Variants in NRIP1 observed in about 807,000 individuals in gnomAD.
NRIP1 encodes nuclear receptor-interacting protein 1.
Under a neutral mutation model 75.0 loss-of-function variants are expected in NRIP1, and 28 were observed. That is an observed-to-expected ratio of 0.37 (90% CI 0.28 to 0.51). The LOEUF is 0.51. Ranked by LOEUF, NRIP1 falls within the 20% of genes least tolerant of loss-of-function variation. The probability of loss-of-function intolerance (pLI) is 0.92; values close to 1 mark genes in which losing one functional copy is unlikely to be tolerated. For synonymous variants in NRIP1, 526 were observed against 487.6 expected, an observed-to-expected ratio of 1.08 and a Z score of -1.04; for missense variants, 1,435 against 1,343.7, an observed-to-expected ratio of 1.07 and a Z score of -1.06.
At chr21:15,002,425 G>C (rs1358290541) in intron 3 of NRIP1, 2 of 152,164 alleles carry the variant, frequency 1.3e-5, no homozygotes, top group African/African-American at 2.4e-5. Flanking sequence ...CCAAGCTTGA[G>C]TCAGGGTTTG....
rs1015396624 is a variant in NRIP1, at chr21:14,965,330, T to C, written c.2863A>G (p.Asn955Asp). The C allele has an allele frequency of 1.9e-6, 3 of 1,614,082 alleles. No individual in the cohort carries two copies. The highest frequency in any genetic ancestry group is 2.5e-6 in the Non-Finnish European group (3 of 1,179,962). ...TTCTTTTTACTGTCAGCCACAGAGTTACTTCTGTGCGGGGACAAATCTCGC... is the reference window on the plus strand; with the variant it reads ...TTCTTTTTACTGTCAGCCACAGAGTCACTTCTGTGCGGGGACAAATCTCGC... ...CVRDLSPHRSNSVADSKKKGH... is the reference protein window; with the variant it reads ...CVRDLSPHRSDSVADSKKKGH... The change falls in exon 4 of 4, where the codon AAC (asparagine) becomes GAC (aspartate). Residue 955 changes from asparagine to aspartate, a missense_variant. Asn to Asp is a conservative substitution (Grantham distance 23). Transcript: ENST00000318948.
chr21:15,018,692 A>C (rs2088294794), intron 2 of NRIP1, among the ~76,000 whole-genome samples: 1 of 152,232 alleles, frequency 6.6e-6, no homozygotes, highest in Admixed American at 6.5e-5. Context: ...TACCCCACAC[A>C]CATATACACA....
At chr21:14,989,090 G>A (rs1255862213) in intron 3 of NRIP1, among the ~76,000 whole-genome samples, 4 of 152,088 alleles carry the variant, frequency 2.6e-5, no homozygotes, top group African/African-American at 9.7e-5. Context: ...TTTGTTGAGG[G>A]GCTTCTGTTC....
At chr21:15,044,374 G>A (rs754822810) in intron 1 of NRIP1, among the ~76,000 whole-genome samples, 7 of 150,632 alleles carry the variant, frequency 4.6e-5, no homozygotes, top group Non-Finnish European at 4.4e-5. Context: ...ATACTTTCAG[G>A]AACAAAAGAG....
At chr21:15,065,390 G>C (rs1437695386), upstream of NRIP1, among the ~76,000 whole-genome samples, 2 of 152,032 alleles carry the variant, frequency 1.3e-5, no homozygotes, top group African/African-American at 4.8e-5. Context: ...GCAGGCGCCT[G>C]GACAGCTCCT....
At chr21:15,056,195 C>T (rs1013728374) in intron 1 of NRIP1, among the ~76,000 whole-genome samples, 2 of 151,584 alleles carry the variant, frequency 1.3e-5, no homozygotes, top group African/African-American at 2.4e-5. Context: ...CCAGAGCAGC[C>T]GTAGCTTTTA....
chr21:15,062,992 T>C (rs192120636), intron 1 of NRIP1, among the ~76,000 whole-genome samples: 155 of 152,332 alleles, frequency 1.0e-3, no homozygotes, highest in African/African-American at 3.6e-3. Context: ...ACTAACTCAT[T>C]TGAATAAAAT....
chr21:15,031,691 T>A (rs376706675), intron 2 of NRIP1, among the ~76,000 whole-genome samples: 5 of 121,596 alleles, frequency 4.1e-5, no homozygotes, highest in African/African-American at 1.5e-4. Flanking sequence ...TGGAAGGCGC[T>A]CGGAGGATCA....
At chr21:14,997,999 T>A (rs1353189031) in intron 3 of NRIP1, among the ~76,000 whole-genome samples, 2 of 152,200 alleles carry the variant, frequency 1.3e-5, no homozygotes, top group Admixed American at 1.3e-4. Flanking sequence ...CTATGACTTG[T>A]AAGCTTATAA....
chr21:14,970,714 C>A (rs562786714), intron 3 of NRIP1, among the ~76,000 whole-genome samples: 1 of 152,102 alleles, frequency 6.6e-6, no homozygotes, highest in Non-Finnish European at 1.5e-5. Context: ...TCATACCAGT[C>A]ATTTGAAAAC....
intron 3 of NRIP1, among the ~76,000 whole-genome samples, chr21:14,988,590 T>A (rs2087478097): frequency 6.6e-6 from 1 of 151,954 alleles, no homozygotes; most frequent in South Asian, 2.1e-4. Flanking sequence ...ATAATCTAGG[T>A]AATTAATTCT....
chr21:14,973,265 AG>A (rs2086954694), intron 3 of NRIP1, among the ~76,000 whole-genome samples: 1 of 151,416 alleles, frequency 6.6e-6, no homozygotes, highest in South Asian at 2.1e-4. Context: ...GGACAGAAAA[AG>A]AAAAAAAAAA....
At chr21:14,986,887 A>G (rs899808491) in intron 3 of NRIP1, among the ~76,000 whole-genome samples, 1 of 152,210 alleles carries the variant, frequency 6.6e-6, no homozygotes, top group Non-Finnish European at 1.5e-5. Context: ...TTCCTCTAAT[A>G]ATTTTGCCAC....
rs74611439 is a variant in NRIP1, at chr21:15,034,962, T to G, written c.-458+8533A>C. Among the ~76,000 whole-genome samples, 1,871 of 152,326 alleles carry G rather than the reference T, an allele frequency of 0.012. 205 individuals carry two copies. In the East Asian group the frequency reaches 0.26, roughly 21 times the overall value. ...ACATTATCTTTCTATAGCATTACAC[T>G]GATGCACTTTATGTATTTCCTCATT... On this transcript the variant is annotated intron_variant, in intron 2 of 3. Transcript: ENST00000318948.
chr21:15,040,914 T>C, intron 2 of NRIP1, among the ~76,000 whole-genome samples: 1 of 152,062 alleles, frequency 6.6e-6, no homozygotes, highest in Non-Finnish European at 1.5e-5. Context: ...CTGATTGACA[T>C]TTCCTAAATA....
chr21:15,008,388 C>T (rs765747518), intron 3 of NRIP1, among the ~76,000 whole-genome samples: 48 of 151,862 alleles, frequency 3.2e-4, no homozygotes, highest in South Asian at 6.3e-4. Context: ...TAGAGTTGGG[C>T]GAATCACCGT....
intron 3 of NRIP1, among the ~76,000 whole-genome samples, chr21:14,998,851 G>C (rs1343339050): frequency 6.6e-6 from 1 of 152,144 alleles, no homozygotes; most frequent in Non-Finnish European, 1.5e-5. Flanking sequence ...TGTTATTGGT[G>C]AGGCTTCTGG....
At chr21:15,038,551 T>C (rs1429453328) in intron 2 of NRIP1, among the ~76,000 whole-genome samples, 1 of 152,056 alleles carries the variant, frequency 6.6e-6, no homozygotes, top group Non-Finnish European at 1.5e-5. Context: ...AAAACACATA[T>C]TTATACCTAT....
chr21:15,057,124 C>A (rs2089323851), intron 1 of NRIP1, among the ~76,000 whole-genome samples: 1 of 151,750 alleles, frequency 6.6e-6, no homozygotes, highest in South Asian at 2.1e-4. Flanking sequence ...TTTATCAGCA[C>A]AGGATAGTCT....
Sources: allele counts gnomAD v4.1 joint callset (sites outside exome capture counted in the v4.1 genomes callset), GRCh38; gene constraint gnomAD v4.1.1; transcripts MANE v1.5; gene names NCBI Gene and HGNC (gene_info 2026-07-23, HGNC 2026-07-21).